The following FTO variants were observed in gnomAD, a reference collection of about 807,000 sequenced individuals.
FTO encodes FTO alpha-ketoglutarate dependent dioxygenase.
FTO carries 47 observed loss-of-function variants against 63.9 expected under a neutral mutation model. That is an observed-to-expected ratio of 0.74 (90% CI 0.58 to 0.94). The LOEUF (loss-of-function observed/expected upper bound fraction) is 0.94. FTO is among the 40% of genes least tolerant of loss of function. FTO has a pLI of 0.00. For missense variants in FTO, 562 were observed against 618.1 expected, an observed-to-expected ratio of 0.91 and a Z score of 0.96; for synonymous variants, 207 against 224.4, an observed-to-expected ratio of 0.92 and a Z score of 0.69.
intron 1 of FTO, among the ~76,000 whole-genome samples, chr16:53,709,826 C>A (rs1283715122): frequency 6.6e-6 from 1 of 152,046 alleles, no homozygotes; most frequent in East Asian, 1.9e-4. Flanking sequence ...GACATCAGTC[C>A]TCTTTACCCC....
At position 53,792,090 on chromosome 16, in the gene FTO, A is replaced by AT. The variant is rs1157032382; in HGVS notation, c.46-18050_46-18049insT. Among the ~76,000 whole-genome samples, 5 of 152,036 alleles carry AT rather than the reference A, an allele frequency of 3.3e-5. No homozygotes were observed. In the East Asian group the frequency reaches 5.8e-4, roughly 18 times the overall value. On this transcript the variant is annotated intron_variant, in intron 1 of 8. Transcript: ENST00000471389. ...GACTTCGTCTCAAAAAAAAAAAAAA[A>AT]AAATAAAAATAAAAAAAATAAAGCG...
intron 8 of FTO, among the ~76,000 whole-genome samples, chr16:54,051,335 C>G (rs560485276): frequency 7.2e-5 from 11 of 152,336 alleles, no homozygotes; most frequent in Middle Eastern, 3.4e-3. Flanking sequence ...AAAAATTAAT[C>G]TGGTTATGGG....
intron 8 of FTO, among the ~76,000 whole-genome samples, chr16:54,034,957 A>C (rs1446411639): frequency 6.6e-6 from 1 of 152,242 alleles, no homozygotes; most frequent in Non-Finnish European, 1.5e-5. Flanking sequence ...CTAATGATGT[A>C]TGGTCACTAC....
At chr16:53,950,337 A>G (rs1427729172) in intron 8 of FTO, among the ~76,000 whole-genome samples, 5 of 152,006 alleles carry the variant, frequency 3.3e-5, no homozygotes, top group Non-Finnish European at 5.9e-5. Flanking sequence ...AATACTTTGT[A>G]TTATAGGGGA....
intron 1 of FTO, among the ~76,000 whole-genome samples, chr16:53,772,508 G>A (rs747249221): frequency 9.9e-5 from 15 of 151,964 alleles, no homozygotes; most frequent in Non-Finnish European, 1.9e-4. Flanking sequence ...GTGATACACT[G>A]TTTTCTTGTT....
At chr16:54,032,725 A>G (rs897149093) in intron 8 of FTO, among the ~76,000 whole-genome samples, 3 of 152,100 alleles carry the variant, frequency 2.0e-5, no homozygotes, top group Admixed American at 1.3e-4. Context: ...TATAGTTTAG[A>G]TACTTGTCCC....
intron 1 of FTO, among the ~76,000 whole-genome samples, chr16:53,729,262 C>T (rs2076217795): frequency 6.6e-6 from 1 of 151,996 alleles, no homozygotes; most frequent in Non-Finnish European, 1.5e-5. Context: ...GGAGCCGTGG[C>T]TCATGCCTGT....
At chr16:54,023,662 A>G (rs142934596) in intron 8 of FTO, among the ~76,000 whole-genome samples, 3,087 of 152,260 alleles carry the variant, frequency 0.02, 103 homozygotes, top group African/African-American at 0.07. Context: ...GGCTTTCCCA[A>G]TCAAGATCCC....
chr16:54,091,179 A>T (rs1013559357), intron 8 of FTO, among the ~76,000 whole-genome samples: 1 of 152,230 alleles, frequency 6.6e-6, no homozygotes, highest in African/African-American at 2.4e-5. Flanking sequence ...GGACATATGC[A>T]TGGAACAAGT....
intron 7 of FTO, among the ~76,000 whole-genome samples, chr16:53,932,609 C>T (rs963874235): frequency 4.6e-5 from 7 of 152,016 alleles, no homozygotes; most frequent in African/African-American, 1.4e-4. Context: ...AGGCTGATTT[C>T]GAACTCCTGA....
intron 7 of FTO, among the ~76,000 whole-genome samples, chr16:53,922,807 A>G (rs1567440389): frequency 6.6e-6 from 1 of 152,210 alleles, no homozygotes; most frequent in African/African-American, 2.4e-5. Flanking sequence ...ATTCTTTCCA[A>G]CATCGAATGG....
intron 2 of FTO, among the ~76,000 whole-genome samples, chr16:53,812,385 G>A (rs2078557606): frequency 2.0e-5 from 3 of 151,730 alleles, no homozygotes; most frequent in African/African-American, 7.3e-5. Flanking sequence ...AGTGCATCTG[G>A]CTAATTTTTA....
In FTO at chr16:54,069,528, C is replaced by G. The variant is rs765434696; in HGVS notation, c.1365-42234C>G. Among the ~76,000 whole-genome samples the G allele has an allele frequency of 9.0e-4, 137 of 152,076 alleles. 1 individual carries two copies. Among genetic ancestry groups the G allele is most frequent in the Non-Finnish European group, 3.2e-4 (22 of 68,030 alleles). The stretch of plus-strand genomic sequence containing the variant: ...ACAAAAAGGCAATAGAGAATCTATA[C>G]CAAGAGTGATTATATCTGAGCAGTA... On this transcript the variant is annotated intron_variant, in intron 8 of 8. Transcript: ENST00000471389.
At chr16:53,752,129 T>G (rs1377867370) in intron 1 of FTO, among the ~76,000 whole-genome samples, 1 of 152,208 alleles carries the variant, frequency 6.6e-6, no homozygotes, top group Admixed American at 6.5e-5. Context: ...GGGAACAGTT[T>G]AAATACATTA....
At chr16:53,711,402 AGG>A in intron 1 of FTO, 2 of 398,618 alleles carry the variant, frequency 5.0e-6, no homozygotes, top group Non-Finnish European at 8.8e-6. Context: ...ACTCAGCACC[AGG>A]GTAAAGATGG....
At chr16:54,088,595 T>C (rs746508782) in intron 8 of FTO, among the ~76,000 whole-genome samples, 2 of 152,222 alleles carry the variant, frequency 1.3e-5, no homozygotes, top group Non-Finnish European at 2.9e-5. Context: ...AGATATTTCG[T>C]ATTTTGAATG....
chr16:53,942,206 G>A (rs559920328), intron 8 of FTO, among the ~76,000 whole-genome samples: 57 of 152,264 alleles, frequency 3.7e-4, no homozygotes, highest in African/African-American at 1.3e-3. Context: ...TGCCAGGGGT[G>A]GAAGCCTTGA....
chr16:53,899,832 C>T (rs2081359215), intron 7 of FTO, among the ~76,000 whole-genome samples: 1 of 152,164 alleles, frequency 6.6e-6, no homozygotes, highest in African/African-American at 2.4e-5. Flanking sequence ...CACAGGAAGT[C>T]TTTTGCTAGA....
chr16:53,722,522 T>C (rs529444731), intron 1 of FTO, among the ~76,000 whole-genome samples: 1 of 152,260 alleles, frequency 6.6e-6, no homozygotes, highest in Non-Finnish European at 1.5e-5. Flanking sequence ...GTAGAAAATA[T>C]TTTGTTTAGA....
Sources: gnomAD v4.1 joint callset for allele counts (sites outside exome capture counted in the v4.1 genomes callset) on GRCh38, gnomAD v4.1.1 for gene constraint, MANE v1.5 for transcripts, NCBI Gene and HGNC (gene_info 2026-07-23, HGNC 2026-07-21) for gene names.